Variants in ARHGEF10L observed in about 807,000 individuals in gnomAD.
The protein encoded by ARHGEF10L is rho guanine nucleotide exchange factor 10-like protein.
A neutral mutation model predicts 141.2 loss-of-function variants in ARHGEF10L; 69 were observed. The ratio of observed to expected loss-of-function variants is 0.49; its 90% CI spans 0.40 to 0.60. The LOEUF is 0.60. Among genes scored for constraint, ARHGEF10L ranks in the 20% least tolerant of loss-of-function variants. ARHGEF10L has a pLI of 0.00. For synonymous variants in ARHGEF10L, 711 were observed against 718.5 expected, an observed-to-expected ratio of 0.99 and a Z score of 0.17; for missense variants, 1,482 against 1,734.3, an observed-to-expected ratio of 0.85 and a Z score of 2.58.
At position 17,673,266 on chromosome 1, in the gene ARHGEF10L, C is replaced by T. The variant is rs1163154283; in HGVS notation, c.3009+8671C>T. On this transcript the variant is annotated intron_variant, in intron 26 of 28. Transcript: ENST00000361221. The surrounding 1 kb of genome is among the most constrained non-coding windows in gnomAD (Gnocchi z 4.1). ...ACCCCCCAGTCTTAGCTGGTAGCAG[C>T]CAGCCCCCGATCCTCGCCTCCCCTC... is the stretch of plus-strand genomic sequence containing the variant. 6.6e-6 allele frequency among the ~76,000 whole-genome samples: 1 copy of T among 152,080 alleles called. No homozygotes were observed. The highest frequency in any genetic ancestry group is 2.4e-5 in the African/African-American group (1 of 41,398).
intron 1 of ARHGEF10L, among the ~76,000 whole-genome samples, chr1:17,557,375 C>G (rs1340407506): frequency 6.6e-6 from 1 of 150,996 alleles, no homozygotes; most frequent in African/African-American, 2.4e-5. Context: ...CCAAAAAAAA[C>G]AAAAAGAAAA....
the ARHGEF10L span, among the ~76,000 whole-genome samples, chr1:17,525,201 C>T: frequency 2.6e-5 from 4 of 152,274 alleles, no homozygotes; most frequent in East Asian, 5.8e-4. Context: ...AGGGAGGGAG[C>T]CAGCGGGGTT....
chr1:17,602,160 G>A lies in ARHGEF10L; in HGVS notation c.291G>A (p.Ala97=), dbSNP rs376964303. 3.3e-5 allele frequency: 52 copies of A among 1,582,640 alleles called. No individual in the cohort carries two copies. The highest frequency in any genetic ancestry group is 1.9e-4 in the East Asian group (8 of 43,136). Residue 97 remains alanine (A), a synonymous_variant, in exon 5 of 29, where the codon GCG becomes GCA. Transcript: ENST00000361221. ...VPAWVSNGDA[A]DAAFSGARHS... ...CCTGGGTGAGCAATGGGGATGCAGC[G>A]GACGCAGCCTTCTCCGGGGCCCGGC...
rs942063345 is a variant in ARHGEF10L, at chr1:17,612,606, C to G, written c.610-452C>G. On this transcript the variant is annotated intron_variant, in intron 7 of 28. Transcript: ENST00000361221. ...GGATTTACCCACTTATCCATTTATC[C>G]CCCAACCTCATTCCATCTATCCATC... Among the ~76,000 whole-genome samples, 3 of 152,112 alleles carry G rather than the reference C, an allele frequency of 2.0e-5. No homozygotes were observed. The South Asian group carries it at 6.2e-4, about 31-fold the overall frequency.
intron 7 of ARHGEF10L, among the ~76,000 whole-genome samples, chr1:17,610,530 C>T (rs897343918): frequency 6.6e-6 from 1 of 152,216 alleles, no homozygotes; most frequent in African/African-American, 2.4e-5. Flanking sequence ...TTGCGGAGGG[C>T]TTTTCCTCTG....
At chr1:17,626,260 G>A (rs1344103119) in intron 14 of ARHGEF10L, among the ~76,000 whole-genome samples, 1 of 152,164 alleles carries the variant, frequency 6.6e-6, no homozygotes, top group African/African-American at 2.4e-5. Context: ...TGTGGGGGAC[G>A]CTGAGGGACT....
At chr1:17,653,108 C>T (rs781467300) in intron 22 of ARHGEF10L, among the ~76,000 whole-genome samples, 7 of 152,146 alleles carry the variant, frequency 4.6e-5, no homozygotes, top group South Asian at 2.1e-4. Flanking sequence ...GGCCCTGGGC[C>T]GGGTGCTTTA....
chr1:17,565,580 T>A (rs2077718297), intron 1 of ARHGEF10L, among the ~76,000 whole-genome samples: 1 of 152,220 alleles, frequency 6.6e-6, no homozygotes, highest in Non-Finnish European at 1.5e-5. Flanking sequence ...GCTGCTATTG[T>A]CAACACTGTT....
intron 1 of ARHGEF10L, among the ~76,000 whole-genome samples, chr1:17,569,816 C>T (rs11589617): frequency 1.0e-3 from 156 of 152,328 alleles, no homozygotes; most frequent in African/African-American, 3.5e-3. Flanking sequence ...TCCCCTTTGC[C>T]GGCCACATGC....
chr1:17,661,524 C>A (rs564658660), intron 25 of ARHGEF10L, among the ~76,000 whole-genome samples: 2 of 152,328 alleles, frequency 1.3e-5, no homozygotes, highest in South Asian at 4.1e-4. Flanking sequence ...GGGTTTTAGA[C>A]CCTAGCTCCT....
the ARHGEF10L span, among the ~76,000 whole-genome samples, chr1:17,519,304 A>C: frequency 6.6e-6 from 1 of 150,838 alleles, no homozygotes; most frequent in Non-Finnish European, 1.5e-5. Flanking sequence ...TATTATAATC[A>C]CCCCAGGTTA....
At chr1:17,572,957 C>T (rs1396344603) in intron 1 of ARHGEF10L, among the ~76,000 whole-genome samples, 5 of 152,172 alleles carry the variant, frequency 3.3e-5, no homozygotes, top group Admixed American at 3.3e-4. Context: ...TTTGGCTCCA[C>T]CCTGATGCCT....
In ARHGEF10L at chr1:17,654,533, A is replaced by G; in HGVS notation, c.2395-103A>G. The G allele has an allele frequency of 9.9e-7, 1 of 1,007,360 alleles. No homozygotes were observed. The highest frequency in any genetic ancestry group is 1.6e-6 in the Non-Finnish European group (1 of 629,806). 62.4% of individuals were successfully genotyped at this position (1,007,360 alleles called of 1,614,324 possible). A position where few individuals can be genotyped will look rare whatever the true frequency, so the allele number is the denominator to read the frequency against. On this transcript the variant is annotated intron_variant, in intron 22 of 28. Coordinates refer to ENST00000361221, the MANE Select transcript of ARHGEF10L (RefSeq NM_018125.4). The surrounding 1 kb of genome is among the most constrained non-coding windows in gnomAD (Gnocchi z 4.3). ...GCTTTCCTGGCCCCCACCCACAGGG[A>G]TTCTAATCCAGGGAGAGTTGGATGG...
chr1:17,544,860 G>A (rs2076861175), intron 1 of ARHGEF10L, among the ~76,000 whole-genome samples: 1 of 152,156 alleles, frequency 6.6e-6, no homozygotes, highest in South Asian at 2.1e-4. Flanking sequence ...CGAAGGAGGA[G>A]CAAAGGCACA....
intron 14 of ARHGEF10L, among the ~76,000 whole-genome samples, chr1:17,626,438 G>A (rs1318150439): frequency 6.6e-6 from 1 of 152,042 alleles, no homozygotes; most frequent in Non-Finnish European, 1.5e-5. Context: ...CCCCACACAG[G>A]GTCCTGGAGA....
At chr1:17,635,437 G>A (rs552289027) in intron 18 of ARHGEF10L, among the ~76,000 whole-genome samples, 4 of 152,310 alleles carry the variant, frequency 2.6e-5, no homozygotes, top group African/African-American at 9.6e-5. Context: ...TCCTGAGGGT[G>A]TACCACCTGC....
At chr1:17,664,669 C>T (rs933837910) in intron 26 of ARHGEF10L, 74 bp downstream of exon 26, 28 of 1,405,272 alleles carry the variant, frequency 2.0e-5, no homozygotes, top group African/African-American at 1.5e-4. Flanking sequence ...ATGTCCACCC[C>T]GGCACCGCTT....
intron 1 of ARHGEF10L, among the ~76,000 whole-genome samples, chr1:17,540,959 C>T (rs942135938): frequency 2.6e-5 from 4 of 152,200 alleles, no homozygotes; most frequent in African/African-American, 9.6e-5. Flanking sequence ...TGTTCAGGCC[C>T]TGGACACACA....
rs199979002 is a variant in ARHGEF10L, at chr1:17,603,583, A to G, written c.425A>G (p.His142Arg). ...DDVPCESPDAHQPGAERNLLY... is the reference protein window; with the variant it reads ...DDVPCESPDARQPGAERNLLY... ...GTCCCCTGCGAGAGCCCAGATGCGC[A>G]TCAGCCCGGTATGATGTCTGCAGTG... is the stretch of plus-strand genomic sequence containing the variant. Residue 142 changes from histidine to arginine, a missense_variant, in exon 6 of 29, where the codon CAT becomes CGT. Physicochemically the swap from His to Arg is conservative, Grantham distance 29 (BLOSUM62 0). Coordinates refer to ENST00000361221, the MANE Select transcript of ARHGEF10L (RefSeq NM_018125.4). The surrounding 1 kb of genome is among the most constrained non-coding windows in gnomAD (Gnocchi z 4.8). 1,085 of 1,612,740 alleles carry G rather than the reference A, an allele frequency of 6.7e-4. 13 individuals carry two copies. In the East Asian group the frequency reaches 0.018, roughly 27 times the overall value.
Sources: gnomAD v4.1 joint callset for allele counts (sites outside exome capture counted in the v4.1 genomes callset) on GRCh38, gnomAD v4.1.1 for gene constraint, Gnocchi (gnomAD v3.1) non-coding constraint, MANE v1.5 for transcripts, NCBI Gene and HGNC (gene_info 2026-07-23, HGNC 2026-07-21) for gene names.